ERG: variants seen among roughly 807,000 people sequenced by gnomAD.
ERG encodes the protein ETS transcription factor ERG, also known as transcriptional regulator ERG.
A neutral mutation model predicts 55.3 loss-of-function variants in ERG; 9 were observed. The ratio of observed to expected loss-of-function variants is 0.16; its 90% confidence interval spans 0.10 to 0.28. ERG has a LOEUF of 0.28. ERG is among the 10% of genes least tolerant of loss of function. The pLI is 1.00. For synonymous variants in ERG, 223 were observed against 237.3 expected, an observed-to-expected ratio of 0.94 and a Z score of 0.55; for missense variants, 434 against 631.6, an observed-to-expected ratio of 0.69 and a Z score of 3.35.
chr21:38,512,034 C>T (rs1466745769), intron 2 of ERG, among the ~76,000 whole-genome samples: 2 of 152,182 alleles, frequency 1.3e-5, no homozygotes, highest in Admixed American at 1.3e-4. Context: ...GACAGACTGT[C>T]AGCCTAATGG....
Position 38,381,098 on chromosome 21 carries a change from G to A in ERG, c.*2305C>T, listed in dbSNP as rs1172511699. ...GCTCCGTCTAATCCAAATGACACGGGGTGTCAGGAGCATTGGTAATCGTGT... is the reference window on the plus strand; with the variant it reads ...GCTCCGTCTAATCCAAATGACACGGAGTGTCAGGAGCATTGGTAATCGTGT... On this transcript the variant is annotated 3_prime_UTR_variant, in exon 10 of 10. Transcript: ENST00000288319. 3 of 1,064,676 alleles carry A rather than the reference G, an allele frequency of 2.8e-6. No individual in the cohort carries two copies. Among genetic ancestry groups the A allele is most frequent in the East Asian group, 5.0e-5 (1 of 20,044 alleles). 66.0% of individuals were successfully genotyped at this position (1,064,676 alleles called of 1,614,324 possible).
chr21:38,632,887 C>T (rs1017676952), intron 1 of ERG, among the ~76,000 whole-genome samples: 5 of 152,292 alleles, frequency 3.3e-5, no homozygotes, highest in Admixed American at 6.5e-5. Flanking sequence ...ATCCCACTTC[C>T]GTGTCCATAT....
intron 1 of ERG, among the ~76,000 whole-genome samples, chr21:38,654,244 G>A (rs1322161938): frequency 6.6e-6 from 1 of 152,246 alleles, no homozygotes. Flanking sequence ...TTGGAAGGAC[G>A]AGGCGGGCAG....
intron 1 of ERG, among the ~76,000 whole-genome samples, chr21:38,639,959 C>A (rs1332975171): frequency 1.3e-5 from 2 of 152,158 alleles, no homozygotes. Context: ...CCGGTTCCAT[C>A]TGTGAGCACA....
chr21:38,410,920 A>G (rs1989018028), intron 3 of ERG, among the ~76,000 whole-genome samples: 1 of 152,236 alleles, frequency 6.6e-6, no homozygotes, highest in African/African-American at 2.4e-5. Flanking sequence ...TGGTTATGAA[A>G]AAAACATCAA....
chr21:38,444,712 T>C (rs897722223), intron 2 of ERG, among the ~76,000 whole-genome samples: 2 of 131,588 alleles, frequency 1.5e-5, no homozygotes, highest in African/African-American at 2.9e-5. Context: ...GCTTTATGTG[T>C]AAGCTAAGAG....
At chr21:38,457,985 T>C (rs1280900888) in intron 1 of ERG, among the ~76,000 whole-genome samples, 1 of 152,154 alleles carries the variant, frequency 6.6e-6, no homozygotes, top group African/African-American at 2.4e-5. Flanking sequence ...ACAGACTCAT[T>C]TTAGATTGAC....
In ERG at chr21:38,404,395, G is replaced by T. The variant is rs542646564; in HGVS notation, c.389-686C>A. 2.0e-5 allele frequency among the ~76,000 whole-genome samples: 3 copies of T among 152,210 alleles called. No individual in the cohort carries two copies. In the East Asian group the frequency reaches 5.8e-4, roughly 29 times the overall value. ...TTTGCATTCCACAGCTGGCCATGGC[G>T]AGCACAAACACCCCACAGGATGCAG... On this transcript the variant is annotated intron_variant, in intron 3 of 9. Coordinates refer to ENST00000288319, the MANE Select transcript of ERG (RefSeq NM_182918.4).
chr21:38,560,356 G>C (rs889710058), intron 2 of ERG, among the ~76,000 whole-genome samples: 5 of 152,072 alleles, frequency 3.3e-5, no homozygotes, highest in Non-Finnish European at 7.4e-5. Flanking sequence ...ACCTCCAGCT[G>C]TTCACACCTC....
At chr21:38,533,790 A>G (rs1404492270) in intron 2 of ERG, among the ~76,000 whole-genome samples, 1 of 152,180 alleles carries the variant, frequency 6.6e-6, no homozygotes, top group African/African-American at 2.4e-5. Context: ...CTCATAACTC[A>G]TTGCATATAC....
intron 1 of ERG, among the ~76,000 whole-genome samples, chr21:38,632,138 C>A (rs192246868): frequency 2.3e-4 from 35 of 152,142 alleles, no homozygotes; most frequent in Admixed American, 1.8e-3. Flanking sequence ...AATTCTGATT[C>A]CATCACTTCG....
chr21:38,426,602 A>G (rs1989834713), intron 2 of ERG, among the ~76,000 whole-genome samples: 1 of 152,180 alleles, frequency 6.6e-6, no homozygotes, highest in Non-Finnish European at 1.5e-5. Context: ...CGCAGTTAAC[A>G]ATTTGAAAAG....
At chr21:38,449,881 G>A (rs940898899) in intron 1 of ERG, among the ~76,000 whole-genome samples, 4 of 152,276 alleles carry the variant, frequency 2.6e-5, no homozygotes, top group Admixed American at 2.0e-4. Flanking sequence ...ATGGTCAGGT[G>A]AATTTCACAT....
intron 1 of ERG, among the ~76,000 whole-genome samples, chr21:38,595,894 T>C (rs961893481): frequency 1.3e-5 from 2 of 152,096 alleles, no homozygotes; most frequent in African/African-American, 4.8e-5. Flanking sequence ...ATTTGTAGCA[T>C]TCATGAGGTG....
At position 38,440,296 on chromosome 21, in the gene ERG, A is replaced by C. The variant is rs889133917; in HGVS notation, c.236+5108T>G. Among the ~76,000 whole-genome samples, 5 of 152,298 alleles carry C rather than the reference A, an allele frequency of 3.3e-5. No homozygotes were observed. The East Asian group carries it at 7.7e-4, about 24-fold the overall frequency. On this transcript the variant is annotated intron_variant, in intron 2 of 9. Transcript: ENST00000288319. ...AGGTGCAGGTAGTGGAGCGTTGAGG[A>C]GCTGCACTCCTGGCGGGGCTCCTCC...
chr21:38,371,882 G>A, the ERG span, among the ~76,000 whole-genome samples: 1 of 151,952 alleles, frequency 6.6e-6, no homozygotes, highest in African/African-American at 2.4e-5. Flanking sequence ...TTTTATTGGG[G>A]AGTATTATTC....
chr21:38,488,238 G>C (rs528456446), intron 1 of ERG, among the ~76,000 whole-genome samples: 1 of 152,282 alleles, frequency 6.6e-6, no homozygotes, highest in Non-Finnish European at 1.5e-5. Context: ...CCTTCAACAT[G>C]AGGTGACCCA....
At chr21:38,621,575 G>A (rs1281443559) in intron 1 of ERG, among the ~76,000 whole-genome samples, 1 of 152,178 alleles carries the variant, frequency 6.6e-6, no homozygotes, top group African/African-American at 2.4e-5. Context: ...GGGACCTGAA[G>A]TCCTCTGAGT....
At position 38,460,207 on chromosome 21, in the gene ERG, AG is replaced by A. The variant is rs2059028817; in HGVS notation, c.19-14587del. Reference sequence around the variant, plus strand: ...ATGGGACCAAGAACAGCCAGGGAGGAGGGGTTACTGGAAAGGAGCGAAAGAA... The same window carrying A: ...ATGGGACCAAGAACAGCCAGGGAGGAGGGTTACTGGAAAGGAGCGAAAGAA... On this transcript the variant is annotated intron_variant, in intron 1 of 9. Transcript: ENST00000288319. This position sits in a 1 kb window ranked among gnomAD's most constrained non-coding sequence, Gnocchi z 5.0. Among the ~76,000 whole-genome samples, 1 of 152,056 alleles carries A rather than the reference AG, an allele frequency of 6.6e-6. No homozygotes were observed. The highest frequency in any genetic ancestry group is 1.9e-4 in the East Asian group (1 of 5,172).
Sources: allele counts gnomAD v4.1 joint callset (sites outside exome capture counted in the v4.1 genomes callset), GRCh38; gene constraint gnomAD v4.1.1; non-coding constraint Gnocchi (gnomAD v3.1); transcripts MANE v1.5; gene names NCBI Gene and HGNC (gene_info 2026-07-23, HGNC 2026-07-21).